RBFOX1: variants seen among roughly 807,000 people sequenced by gnomAD.
The protein encoded by RBFOX1 is RNA binding protein fox-1 homolog 1.
In RBFOX1, 8 loss-of-function variants were observed where a neutral mutation model predicts 57.7. The ratio of observed to expected loss-of-function variants is 0.14; its 90% CI spans 0.08 to 0.25. The LOEUF is 0.25. RBFOX1 is among the 10% of genes least tolerant of loss of function. The probability of loss-of-function intolerance (pLI) is 1.00; values close to 1 mark genes in which losing one functional copy is unlikely to be tolerated. For missense variants in RBFOX1, 611 were observed against 548.5 expected, an observed-to-expected ratio of 1.11 and a Z score of -1.14; for synonymous variants, 326 against 222.4, an observed-to-expected ratio of 1.47 and a Z score of -4.15.
chr16:7,131,341 C>CTTTT (rs34213849), intron 4 of RBFOX1, among the ~76,000 whole-genome samples: 3 of 71,754 alleles, frequency 4.2e-5, no homozygotes, highest in African/African-American at 5.8e-5. Context: ...GCGAGACTGT[C>CTTTT]TTTTTTTTTT....
At chr16:5,460,139 A>C (rs117085929) in intron 1 of RBFOX1, among the ~76,000 whole-genome samples, 80 of 152,204 alleles carry the variant, frequency 5.3e-4, no homozygotes, top group Non-Finnish European at 9.3e-4. Context: ...TTTTAGTGTA[A>C]AGTCGGCACA....
intron 4 of RBFOX1, among the ~76,000 whole-genome samples, chr16:5,912,572 C>G (rs2058626537): frequency 3.3e-5 from 5 of 152,178 alleles, no homozygotes. Context: ...TACTCATGAC[C>G]TCTTGTTTTT....
At chr16:5,495,265 G>A (rs2042965383) in intron 2 of RBFOX1, among the ~76,000 whole-genome samples, 1 of 152,314 alleles carries the variant, frequency 6.6e-6, no homozygotes. Flanking sequence ...CATCAGCCTA[G>A]CAAAACTTTG....
intron 3 of RBFOX1, among the ~76,000 whole-genome samples, chr16:6,678,750 C>G (rs977999982): frequency 6.6e-6 from 1 of 152,022 alleles, no homozygotes; most frequent in African/African-American, 2.4e-5. Context: ...GGAAGAAGTG[C>G]TAAGATACCA....
chr16:7,151,033 T>C (rs2076004606), intron 4 of RBFOX1, among the ~76,000 whole-genome samples: 1 of 152,312 alleles, frequency 6.6e-6, no homozygotes, highest in African/African-American at 2.4e-5. Context: ...AAAATTATTT[T>C]TGTGGTAGCA....
intron 1 of RBFOX1, among the ~76,000 whole-genome samples, chr16:5,255,913 A>T (rs1360556166): frequency 6.6e-6 from 1 of 151,812 alleles, no homozygotes; most frequent in Non-Finnish European, 1.5e-5. Flanking sequence ...TGATTTTCTT[A>T]TCTGAAAATT....
intron 1 of RBFOX1, among the ~76,000 whole-genome samples, chr16:6,080,846 G>C (rs566435493): frequency 8.8e-4 from 134 of 152,236 alleles, no homozygotes; most frequent in East Asian, 4.2e-3. Context: ...ATGTGTGTAC[G>C]TGAAAAAGCT....
intron 14 of RBFOX1, among the ~76,000 whole-genome samples, chr16:7,686,356 T>TC (rs1351122148): frequency 4.6e-5 from 7 of 152,038 alleles, no homozygotes; most frequent in South Asian, 2.1e-4. Context: ...ATCCTATCCT[T>TC]CTTTTTCAAC....
At chr16:5,478,824 C>A (rs991718821) in intron 2 of RBFOX1, among the ~76,000 whole-genome samples, 1 of 151,990 alleles carries the variant, frequency 6.6e-6, no homozygotes, top group African/African-American at 2.4e-5. Context: ...ATTTATAGGC[C>A]CTACTCCCTC....
intron 1 of RBFOX1, among the ~76,000 whole-genome samples, chr16:5,252,806 C>T (rs1437275683): frequency 1.3e-5 from 2 of 152,246 alleles, no homozygotes; most frequent in Non-Finnish European, 1.5e-5. Flanking sequence ...AAGGGGCCTG[C>T]AGATGAAACG....
chr16:6,384,025 G>C (rs948956510), intron 2 of RBFOX1, among the ~76,000 whole-genome samples: 15 of 143,774 alleles, frequency 1.0e-4, no homozygotes, highest in Admixed American at 6.9e-5. Context: ...AAATGTTTCT[G>C]TTTCACCACC....
intron 3 of RBFOX1, among the ~76,000 whole-genome samples, chr16:6,699,557 A>G (rs769003560): frequency 1.6e-4 from 25 of 152,300 alleles, no homozygotes; most frequent in Non-Finnish European, 2.9e-4. Flanking sequence ...AGTAACAAAC[A>G]CCAAAGCGAG....
At chr16:7,628,930 TGAA>T (rs1290292933) in intron 10 of RBFOX1, among the ~76,000 whole-genome samples, 1 of 152,170 alleles carries the variant, frequency 6.6e-6, no homozygotes, top group Non-Finnish European at 1.5e-5. Context: ...TGTTTTTAAA[TGAA>T]GAAGAAAGAA....
chr16:6,560,103 C>T (rs2097159707), intron 2 of RBFOX1, among the ~76,000 whole-genome samples: 1 of 149,690 alleles, frequency 6.7e-6, no homozygotes, highest in African/African-American at 2.5e-5. Context: ...CCATCTGTAT[C>T]ACATTGTGCG....
At chr16:5,462,507 T>C (rs975421454) in intron 1 of RBFOX1, among the ~76,000 whole-genome samples, 2 of 152,158 alleles carry the variant, frequency 1.3e-5, no homozygotes, top group African/African-American at 4.8e-5. Context: ...AACACCTGTG[T>C]GTTTTAAAGA....
intron 1 of RBFOX1, among the ~76,000 whole-genome samples, chr16:6,066,377 AAT>A (rs1408455858): frequency 6.6e-6 from 1 of 151,860 alleles, no homozygotes; most frequent in Non-Finnish European, 1.5e-5. Flanking sequence ...ATTAAAAAAA[AAT>A]CCAATTTCTA....
At chr16:6,898,658 C>A (rs916353342) in intron 3 of RBFOX1, among the ~76,000 whole-genome samples, 1 of 152,002 alleles carries the variant, frequency 6.6e-6, no homozygotes, top group Non-Finnish European at 1.5e-5. Flanking sequence ...GATAATTCAG[C>A]TCTGAGTTTC....
intron 1 of RBFOX1, among the ~76,000 whole-genome samples, chr16:5,281,102 G>A (rs955006767): frequency 3.3e-5 from 5 of 151,910 alleles, no homozygotes; most frequent in Admixed American, 6.6e-5. Context: ...TACTGCTTTT[G>A]CTGTGTGCCA....
intron 3 of RBFOX1, among the ~76,000 whole-genome samples, chr16:5,813,499 C>T (rs993714640): frequency 4.1e-4 from 62 of 152,186 alleles, no homozygotes; most frequent in African/African-American, 1.5e-3. Context: ...AGCACTGATT[C>T]ATGCCACAGT....
Sources: allele counts gnomAD v4.1 joint callset (sites outside exome capture counted in the v4.1 genomes callset), GRCh38; gene constraint gnomAD v4.1.1; transcripts MANE v1.5; gene names NCBI Gene and HGNC (gene_info 2026-07-23, HGNC 2026-07-21).